CCDC148: variants seen among roughly 807,000 people sequenced by gnomAD.
The protein encoded by CCDC148 is coiled-coil domain containing 148.
CCDC148 carries 89 observed loss-of-function variants against 85.7 expected under a neutral mutation model. The ratio of observed to expected loss-of-function variants is 1.04; its 90% CI spans 0.87 to 1.24. CCDC148 has a LOEUF of 1.24. Among genes scored for constraint, CCDC148 ranks in the 50% most tolerant of loss-of-function variants. The pLI is 0.00. For missense variants in CCDC148, 692 were observed against 671.7 expected, an observed-to-expected ratio of 1.03 and a Z score of -0.33; for synonymous variants, 230 against 213.9, an observed-to-expected ratio of 1.08 and a Z score of -0.66.
intron 2 of CCDC148, among the ~76,000 whole-genome samples, chr2:158,354,144 A>C (rs1574677638): frequency 2.0e-5 from 3 of 151,854 alleles, no homozygotes; most frequent in Admixed American, 2.0e-4. Flanking sequence ...CAAAATTGAC[A>C]CCCTAACATC....
At chr2:158,353,761 C>G (rs1240179304) in intron 2 of CCDC148, among the ~76,000 whole-genome samples, 4 of 152,146 alleles carry the variant, frequency 2.6e-5, no homozygotes, top group East Asian at 1.9e-4. Flanking sequence ...CACCCCAAAT[C>G]AACAGAATAT....
chr2:158,414,867 T>A (rs1197108525), intron 1 of CCDC148, among the ~76,000 whole-genome samples: 1 of 152,142 alleles, frequency 6.6e-6, no homozygotes, highest in African/African-American at 2.4e-5. Flanking sequence ...GAAAAATAGG[T>A]ACATCCAAAC....
rs942674571 is a variant in CCDC148 at position 158,358,454 on chromosome 2, G to A, written c.142C>T (p.Leu48=). The change falls in exon 2 of 14, where the codon CTA becomes TTA. Residue 48 remains leucine, a synonymous_variant. Transcript: ENST00000283233. ...ATACACACACAACTTCTAACCTTTA[G>A]CTTTGCAGAGGCAGAAGCCAATTTC... ...AKKLASASAK[L]KIRKAMLTSK... The A allele has an allele frequency of 6.2e-7, 1 of 1,605,106 alleles. No individual in the cohort carries two copies. The highest frequency in any genetic ancestry group is 1.3e-5 in the African/African-American group (1 of 74,408).
chr2:158,359,583 G>T (rs1362279076), intron 1 of CCDC148, among the ~76,000 whole-genome samples: 1 of 152,086 alleles, frequency 6.6e-6, no homozygotes. Flanking sequence ...CAAGAAGTTG[G>T]GGAAACTCCC....
chr2:158,373,990 GATTAC>G (rs1220914585), intron 1 of CCDC148, among the ~76,000 whole-genome samples: 4 of 152,022 alleles, frequency 2.6e-5, no homozygotes, highest in Admixed American at 2.6e-4. Context: ...AGCATTAAGT[GATTAC>G]ATTATAGATC....
chr2:158,388,779 G>GCCA (rs1200570790), intron 1 of CCDC148, among the ~76,000 whole-genome samples: 1 of 152,182 alleles, frequency 6.6e-6, no homozygotes, highest in Non-Finnish European at 1.5e-5. Context: ...ACAGGTGTGA[G>GCCA]CCACCACACT....
chr2:158,279,884 G>C (rs530087020), intron 9 of CCDC148, among the ~76,000 whole-genome samples: 2 of 151,110 alleles, frequency 1.3e-5, no homozygotes, highest in African/African-American at 4.9e-5. Context: ...GAGAAAGGTC[G>C]GGTTACCGAC....
Position 158,171,859 on chromosome 2 carries a change from G to C in CCDC148, c.*254C>G. 7.8e-6 allele frequency: 2 copies of C among 254,812 alleles called. No individual in the cohort carries two copies. The highest frequency in any genetic ancestry group is 1.5e-5 in the Non-Finnish European group (2 of 136,906). 15.8% of individuals were successfully genotyped at this position (254,812 alleles called of 1,614,324 possible). A position where few individuals can be genotyped will look rare whatever the true frequency, so the allele number is the denominator to read the frequency against. ...CCAACATGTAGTTTACTAAATTATAGTATAAGTACTATATGTGCCATAATT... is the reference window on the plus strand; with the variant it reads ...CCAACATGTAGTTTACTAAATTATACTATAAGTACTATATGTGCCATAATT... On this transcript the variant is annotated 3_prime_UTR_variant, in exon 14 of 14. Coordinates refer to ENST00000283233, the MANE Select transcript of CCDC148 (RefSeq NM_138803.4).
At chr2:158,335,812 C>T (rs1212920917) in intron 7 of CCDC148, among the ~76,000 whole-genome samples, 1 of 152,222 alleles carries the variant, frequency 6.6e-6, no homozygotes, top group African/African-American at 2.4e-5. Context: ...GATTAGACCT[C>T]CCTTAGCTAG....
At chr2:158,300,166 T>A (rs1691375042) in intron 9 of CCDC148, among the ~76,000 whole-genome samples, 1 of 152,206 alleles carries the variant, frequency 6.6e-6, no homozygotes, top group Admixed American at 6.5e-5. Context: ...ATCATATACT[T>A]GTTTCAACAG....
chr2:158,418,369 A>C (rs919139772), intron 1 of CCDC148, among the ~76,000 whole-genome samples: 2 of 152,208 alleles, frequency 1.3e-5, no homozygotes, highest in African/African-American at 4.8e-5. Flanking sequence ...CCAATATAAT[A>C]ATATCAGTAA....
At chr2:158,194,283 C>G (rs1020806128) in intron 11 of CCDC148, among the ~76,000 whole-genome samples, 1 of 152,038 alleles carries the variant, frequency 6.6e-6, no homozygotes, top group Non-Finnish European at 1.5e-5. Flanking sequence ...AAAGACAAGA[C>G]AAAACCAAGT....
In CCDC148 at chr2:158,209,150, T is replaced by G. The variant is rs1310896310; in HGVS notation, c.1370+11445A>C. Reference sequence around the variant, plus strand: ...TATTTTTACACATACATATTTTTTTTCAGGGGTAGTCCCCCAAAAGAATAA... The same window carrying G: ...TATTTTTACACATACATATTTTTTTGCAGGGGTAGTCCCCCAAAAGAATAA... On this transcript the variant is annotated intron_variant, in intron 11 of 13. Coordinates refer to ENST00000283233, the MANE Select transcript of CCDC148 (RefSeq NM_138803.4). Among the ~76,000 whole-genome samples the G allele has an allele frequency of 7.2e-5, 11 of 152,158 alleles. No homozygotes were observed. In the East Asian group the frequency reaches 2.1e-3, roughly 29 times the overall value.
chr2:158,433,438 C>T (rs1365718297), intron 1 of CCDC148, among the ~76,000 whole-genome samples: 1 of 151,784 alleles, frequency 6.6e-6, no homozygotes, highest in African/African-American at 2.4e-5. Context: ...TCAAAATATG[C>T]AATGAATTTT....
At chr2:158,445,811 A>AT (rs1688134817) in intron 1 of CCDC148, among the ~76,000 whole-genome samples, 2 of 152,082 alleles carry the variant, frequency 1.3e-5, no homozygotes, top group Admixed American at 6.5e-5. Context: ...AAGTACAAGA[A>AT]AAAATATAGT....
chr2:158,178,062 T>C (rs1278230433), intron 12 of CCDC148: 2 of 152,114 alleles, frequency 1.3e-5, no homozygotes, highest in Non-Finnish European at 2.9e-5. Context: ...ATTTTTCAGA[T>C]GAAGAAATAA....
intron 1 of CCDC148, among the ~76,000 whole-genome samples, chr2:158,364,397 C>G (rs1272730290): frequency 6.6e-6 from 1 of 152,172 alleles, no homozygotes; most frequent in African/African-American, 2.4e-5. Context: ...ATCATGCTAC[C>G]TGACCTCAAA....
intron 1 of CCDC148, among the ~76,000 whole-genome samples, chr2:158,362,987 C>T (rs1414820352): frequency 6.6e-6 from 1 of 152,096 alleles, no homozygotes; most frequent in Admixed American, 6.5e-5. Flanking sequence ...AAGGGTATAT[C>T]ACCACTGATC....
intron 11 of CCDC148, among the ~76,000 whole-genome samples, chr2:158,211,072 A>C (rs1686551254): frequency 6.6e-6 from 1 of 151,986 alleles, no homozygotes; most frequent in African/African-American, 2.4e-5. Flanking sequence ...CATTAGGAGA[A>C]ATATCTAATG....
Sources: allele counts gnomAD v4.1 joint callset (sites outside exome capture counted in the v4.1 genomes callset), GRCh38; gene constraint gnomAD v4.1.1; transcripts MANE v1.5; gene names NCBI Gene and HGNC (gene_info 2026-07-23, HGNC 2026-07-21).